The following NRIP1 variants were observed in gnomAD, a reference collection of about 807,000 sequenced individuals.
NRIP1 encodes nuclear receptor-interacting protein 1.
Under a neutral mutation model 75.0 loss-of-function variants are expected in NRIP1, and 28 were observed. The ratio of observed to expected loss-of-function variants is 0.37; its 90% CI spans 0.28 to 0.51. NRIP1 has a LOEUF of 0.51. NRIP1 is among the 20% of genes least tolerant of loss of function. The probability of loss-of-function intolerance (pLI) is 0.92; values close to 1 mark genes in which losing one functional copy is unlikely to be tolerated. For missense variants in NRIP1, 1,435 were observed against 1,343.7 expected (o/e 1.07, Z -1.06); for synonymous variants, 526 against 487.6 (o/e 1.08, Z -1.04).
chr21:15,052,140 C>T (rs1274525388), intron 1 of NRIP1: 1 of 152,164 alleles, frequency 6.6e-6, no homozygotes, highest in Non-Finnish European at 1.5e-5. Context: ...ACCTCACTTT[C>T]GAAGTAACGC....
At chr21:14,975,759 G>A (rs1312237421) in intron 3 of NRIP1, among the ~76,000 whole-genome samples, 8 of 151,432 alleles carry the variant, frequency 5.3e-5, no homozygotes, top group South Asian at 2.1e-4. Flanking sequence ...AGACACTTCC[G>A]TTATTTTTAC....
chr21:15,029,618 C>T lies in NRIP1; in HGVS notation c.-458+13877G>A, dbSNP rs184311488. Among the ~76,000 whole-genome samples the T allele has an allele frequency of 6.6e-5, 10 of 152,116 alleles. No individual in the cohort carries two copies. The East Asian group carries it at 1.9e-3, about 29-fold the overall frequency. On this transcript the variant is annotated intron_variant, in intron 2 of 3. Transcript: ENST00000318948. ...TTCTCTTTTGTTCACTGTTCTATCC[C>T]CAGGACTTAGAAGAATAACCGAAAT...
rs771615144 is a variant in NRIP1 at position 14,963,117 on chromosome 21, C to T, written c.*1599G>A. On this transcript the variant is annotated 3_prime_UTR_variant, in exon 4 of 4. Coordinates refer to ENST00000318948, the MANE Select transcript of NRIP1 (RefSeq NM_003489.4). Reference sequence around the variant, plus strand: ...CATCACTACTTTAAAGTAAAAGATCCAATGGAGTGATTGTGTACAATTCTG... The same window carrying T: ...CATCACTACTTTAAAGTAAAAGATCTAATGGAGTGATTGTGTACAATTCTG... 6.6e-6 allele frequency: 1 copy of T among 152,204 alleles called. No individual in the cohort carries two copies. Among genetic ancestry groups the T allele is most frequent in the African/African-American group, 2.4e-5 (1 of 41,404 alleles). The allele number at this position is 152,204 out of a possible 1,614,324, so 9.4% of individuals were successfully genotyped here. A position where few individuals can be genotyped will look rare whatever the true frequency, so the allele number is the denominator to read the frequency against.
chr21:15,012,209 T>C (rs543052612), intron 3 of NRIP1, among the ~76,000 whole-genome samples: 26 of 152,262 alleles, frequency 1.7e-4, no homozygotes, highest in African/African-American at 5.3e-4. Context: ...GAAAGGCATA[T>C]TGAAAAGACA....
At chr21:14,974,699 G>A (rs183343334) in intron 3 of NRIP1, among the ~76,000 whole-genome samples, 3 of 152,278 alleles carry the variant, frequency 2.0e-5, no homozygotes, top group Non-Finnish European at 2.9e-5. Context: ...GTTGAATACC[G>A]AGCAATGCAG....
chr21:15,000,184 C>T (rs529985772), intron 3 of NRIP1, among the ~76,000 whole-genome samples: 1 of 152,276 alleles, frequency 6.6e-6, no homozygotes, highest in East Asian at 1.9e-4. Context: ...CAGAGAGATT[C>T]CTGTTTCTTC....
Position 15,057,562 on chromosome 21 carries a change from C to G in NRIP1, c.-538+7183G>C, listed in dbSNP as rs191004097. Among the ~76,000 whole-genome samples the G allele has an allele frequency of 5.9e-5, 9 of 152,300 alleles. No homozygotes were observed. In the East Asian group the frequency reaches 1.2e-3, roughly 20 times the overall value. ...AATGTGCCTTCCCAGAGAGCCTGGTCTTGGAGAATCCAGGCTATGAGGCTT... is the reference window on the plus strand; with the variant it reads ...AATGTGCCTTCCCAGAGAGCCTGGTGTTGGAGAATCCAGGCTATGAGGCTT... On this transcript the variant is annotated intron_variant, in intron 1 of 3. Coordinates refer to ENST00000318948, the MANE Select transcript of NRIP1 (RefSeq NM_003489.4).
At chr21:15,003,812 T>A (rs2087902874) in intron 3 of NRIP1, among the ~76,000 whole-genome samples, 1 of 152,200 alleles carries the variant, frequency 6.6e-6, no homozygotes, top group Non-Finnish European at 1.5e-5. Context: ...CTTTAGGTAC[T>A]GGAAACTACA....
intron 1 of NRIP1, among the ~76,000 whole-genome samples, chr21:15,057,922 T>TC (rs1471495678): frequency 6.6e-6 from 1 of 152,066 alleles, no homozygotes; most frequent in African/African-American, 2.4e-5. Context: ...CTTTCCCTGC[T>TC]CCCCCTCCCA....
chr21:15,027,482 CCTT>C (rs2088548428), intron 2 of NRIP1, among the ~76,000 whole-genome samples: 1 of 152,138 alleles, frequency 6.6e-6, no homozygotes, highest in Non-Finnish European at 1.5e-5. Flanking sequence ...TCTTTATTCT[CCTT>C]GTTAGAAACA....
intron 3 of NRIP1, among the ~76,000 whole-genome samples, chr21:15,004,943 AACTCCT>A (rs1357169437): frequency 2.0e-5 from 3 of 152,182 alleles, no homozygotes; most frequent in African/African-American, 7.2e-5. Context: ...AAAAGTGTGT[AACTCCT>A]AGTTCCTAAG....
chr21:14,990,268 T>C (rs774680345), intron 3 of NRIP1, among the ~76,000 whole-genome samples: 1 of 152,168 alleles, frequency 6.6e-6, no homozygotes, highest in Non-Finnish European at 1.5e-5. Context: ...ATTTCTCAAG[T>C]TTGAATGTAT....
chr21:15,047,413 G>A (rs1020027934), intron 1 of NRIP1, among the ~76,000 whole-genome samples: 7 of 152,278 alleles, frequency 4.6e-5, no homozygotes, highest in East Asian at 1.9e-4. Context: ...GGTGGCGGGC[G>A]CCTGTGGTCC....
chr21:14,968,031 A>G lies in NRIP1; in HGVS notation c.162T>C (p.Ser54=). 1 of 1,614,096 alleles carries G rather than the reference A, an allele frequency of 6.2e-7. No homozygotes were observed. Among genetic ancestry groups the G allele is most frequent in the East Asian group, 2.2e-5 (1 of 44,874 alleles). Reference sequence around the variant, plus strand: ...TTTGACAGGTGGGAAATGCACTGCCAGAAATGTTAAAGTTCTGATCCTCTT... The same window carrying G: ...TTTGACAGGTGGGAAATGCACTGCCGGAAATGTTAAAGTTCTGATCCTCTT... The part of the protein sequence containing the change: ...HNEEDQNFNI[S]GSAFPTCQSN... Residue 54 remains serine (S), a synonymous_variant, in exon 4 of 4, where the codon TCT becomes TCC. Transcript: ENST00000318948.
chr21:14,961,562 T>C lies in NRIP1; in HGVS notation c.*3154A>G, dbSNP rs957869947. 3.9e-5 allele frequency: 6 copies of C among 152,396 alleles called. No individual in the cohort carries two copies. The highest frequency in any genetic ancestry group is 8.8e-5 in the Non-Finnish European group (6 of 67,898). The allele number at this position is 152,396 out of a possible 1,614,324, so 9.4% of individuals were successfully genotyped here. A position where few individuals can be genotyped will look rare whatever the true frequency, so the allele number is the denominator to read the frequency against. On this transcript the variant is annotated 3_prime_UTR_variant, in exon 4 of 4. Transcript: ENST00000318948. The stretch of plus-strand genomic sequence containing the variant: ...TGAATTCTTTATGTTTAAAAGTGGT[T>C]GACGATTAAAAAAATTCTTTAAGAC...
rs573370975 is a variant in NRIP1, at chr21:15,019,553, G to A, written c.-457-5087C>T. On this transcript the variant is annotated intron_variant, in intron 2 of 3. Transcript: ENST00000318948. ...GCCCAAGCTGGAGTGCAATGATGCA[G>A]TCTTGGCTCACTGCAACCTCTGCCT... 2.5e-4 allele frequency among the ~76,000 whole-genome samples: 30 copies of A among 119,558 alleles called. 1 individual carries two copies. In the South Asian group the frequency reaches 8.4e-3, roughly 34 times the overall value. 78.4% of individuals were successfully genotyped at this position (119,558 alleles called of 152,430 possible).
At position 14,967,754 on chromosome 21, in the gene NRIP1, C is replaced by T; in HGVS notation, c.439G>A (p.Val147Ile). The T allele has an allele frequency of 6.2e-7, 1 of 1,614,184 alleles. No individual in the cohort carries two copies. The highest frequency in any genetic ancestry group is 8.5e-7 in the Non-Finnish European group (1 of 1,180,034). The change falls in exon 4 of 4, where the codon GTT becomes ATT. Residue 147 changes from valine (V) to isoleucine (I), a missense_variant. Physicochemically the swap from Val to Ile is conservative, Grantham distance 29. Transcript: ENST00000318948. ...TGCCTGATTTGTTGTGACAGAGCAA[C>T]AGTCTGCAGCCTAGAGCTGAATGAC... is the stretch of plus-strand genomic sequence containing the variant. ...LQSFSSRLQT[V>I]ALSQQIRQSL...
Position 14,964,800 on chromosome 21 carries a change from A to G in NRIP1, c.3393T>C (p.Asn1131=). 5 of 1,611,104 alleles carry G rather than the reference A, an allele frequency of 3.1e-6. No individual in the cohort carries two copies. Among genetic ancestry groups the G allele is most frequent in the Non-Finnish European group, 2.5e-6 (3 of 1,179,096 alleles). Residue 1131 remains asparagine, a synonymous_variant, in exon 4 of 4, where the codon AAT becomes AAC. Coordinates refer to ENST00000318948, the MANE Select transcript of NRIP1 (RefSeq NM_003489.4). ...LRSPYNSHMG[N]NASRPHSANG... Reference sequence around the variant, plus strand: ...TTGCGCTGTGTGGGCGAGAAGCATTATTTCCCATATGGCTATTGTAAGGGC... The same window carrying G: ...TTGCGCTGTGTGGGCGAGAAGCATTGTTTCCCATATGGCTATTGTAAGGGC...
At chr21:15,056,551 T>C (rs1315435496) in intron 1 of NRIP1, among the ~76,000 whole-genome samples, 1 of 152,188 alleles carries the variant, frequency 6.6e-6, no homozygotes, top group African/African-American at 2.4e-5. Flanking sequence ...ATAATATAAG[T>C]TCATTCTGAT....
Sources: gnomAD v4.1 joint callset for allele counts (sites outside exome capture counted in the v4.1 genomes callset) on GRCh38, gnomAD v4.1.1 for gene constraint, MANE v1.5 for transcripts, NCBI Gene and HGNC (gene_info 2026-07-23, HGNC 2026-07-21) for gene names.